Variants in ZNF385D observed in about 807,000 individuals in gnomAD.
ZNF385D encodes zinc finger protein 385D, also known as zinc finger protein 659.
Under a neutral mutation model 35.8 loss-of-function variants are expected in ZNF385D, and 15 were observed. The ratio of observed to expected loss-of-function variants is 0.42; its 90% CI spans 0.28 to 0.64. ZNF385D has a LOEUF of 0.64. Among genes scored for constraint, ZNF385D ranks in the 30% least tolerant of loss-of-function variants. ZNF385D has a pLI of 0.23. For synonymous variants in ZNF385D, 212 were observed against 186.8 expected (o/e 1.13, Z -1.10); for missense variants, 474 against 494.6 (o/e 0.96, Z 0.39).
rs562791810 is a variant in ZNF385D, at chr3:21,594,369, C to T, written c.166-29685G>A. ...GCTGACTCTGAGACAAAGATTGCAC[C>T]GTGCAAGTAGTTTTTTAATGAAATG... On this transcript the variant is annotated intron_variant, in intron 2 of 7. Transcript: ENST00000281523. 6.6e-5 allele frequency among the ~76,000 whole-genome samples: 10 copies of T among 152,156 alleles called. No homozygotes were observed. In the East Asian group the frequency reaches 1.5e-3, roughly 24 times the overall value.
At chr3:21,932,579 T>A (rs544913662) in intron 3 of ZNF385D, among the ~76,000 whole-genome samples, 1 of 152,090 alleles carries the variant, frequency 6.6e-6, no homozygotes, top group Admixed American at 6.6e-5. Context: ...GCTGATTACG[T>A]GGGGAGACAA....
At chr3:22,025,157 G>A (rs1439989359) in intron 3 of ZNF385D, among the ~76,000 whole-genome samples, 2 of 152,092 alleles carry the variant, frequency 1.3e-5, no homozygotes, top group Non-Finnish European at 2.9e-5. Flanking sequence ...AGAAGGAACA[G>A]CTTCCCCATC....
chr3:21,700,435 A>C (rs1236098567), intron 1 of ZNF385D, among the ~76,000 whole-genome samples: 5 of 152,244 alleles, frequency 3.3e-5, no homozygotes, highest in Non-Finnish European at 7.3e-5. Context: ...GCCTGGACTT[A>C]TATAGATAAG....
intron 3 of ZNF385D, among the ~76,000 whole-genome samples, chr3:21,916,256 G>C (rs1399619136): frequency 6.6e-5 from 10 of 152,018 alleles, no homozygotes; most frequent in East Asian, 1.9e-4. Context: ...AGCTTTTCTA[G>C]ATAGATTTTG....
chr3:22,243,240 C>CAT (rs1699591849), intron 2 of ZNF385D, among the ~76,000 whole-genome samples: 1 of 150,788 alleles, frequency 6.6e-6, no homozygotes, highest in African/African-American at 2.5e-5. Context: ...TTCTCCAAGA[C>CAT]ATATATAAAC....
At chr3:22,324,875 G>A (rs558210309) in intron 2 of ZNF385D, among the ~76,000 whole-genome samples, 13 of 152,096 alleles carry the variant, frequency 8.5e-5, no homozygotes, top group Non-Finnish European at 1.6e-4. Context: ...GATTAAAAGA[G>A]AGATCCTACT....
chr3:22,205,555 A>G (rs998015614), intron 2 of ZNF385D, among the ~76,000 whole-genome samples: 1 of 152,046 alleles, frequency 6.6e-6, no homozygotes, highest in Non-Finnish European at 1.5e-5. Context: ...GATCAGAAAT[A>G]GTACAATAAG....
chr3:22,168,327 A>C (rs1006821308), intron 3 of ZNF385D, among the ~76,000 whole-genome samples: 6 of 152,222 alleles, frequency 3.9e-5, no homozygotes, highest in African/African-American at 1.2e-4. Flanking sequence ...TTATTAAATA[A>C]ACCATAAATT....
chr3:21,778,804 A>T (rs537842479), intron 3 of ZNF385D, among the ~76,000 whole-genome samples: 2 of 152,110 alleles, frequency 1.3e-5, no homozygotes, highest in African/African-American at 4.8e-5. Context: ...AGTGTTTGAT[A>T]AACAGCCACA....
intron 2 of ZNF385D, among the ~76,000 whole-genome samples, chr3:22,304,613 T>A: frequency 6.6e-6 from 1 of 152,160 alleles, no homozygotes; most frequent in Admixed American, 6.5e-5. Context: ...CAGCACCAAT[T>A]TTGATAATTT....
chr3:21,991,117 C>G (rs571267039), intron 3 of ZNF385D, among the ~76,000 whole-genome samples: 9 of 152,260 alleles, frequency 5.9e-5, no homozygotes, highest in Non-Finnish European at 1.2e-4. Context: ...TTTGCAAAAA[C>G]TAATTACGGT....
chr3:21,952,119 T>C (rs1452312383), intron 3 of ZNF385D, among the ~76,000 whole-genome samples: 1 of 151,998 alleles, frequency 6.6e-6, no homozygotes, highest in Non-Finnish European at 1.5e-5. Context: ...AATGTTGCCT[T>C]CAATTGTTAT....
intron 3 of ZNF385D, among the ~76,000 whole-genome samples, chr3:21,856,436 C>A (rs370565557): frequency 6.6e-6 from 1 of 151,976 alleles, no homozygotes; most frequent in Admixed American, 6.6e-5. Flanking sequence ...GCCTCTAGGG[C>A]GTCTCCATTT....
rs759032003 is a variant in ZNF385D at position 21,571,287 on chromosome 3, C to T, written c.166-6603G>A. Among the ~76,000 whole-genome samples the T allele has an allele frequency of 7.2e-5, 11 of 152,038 alleles. No individual in the cohort carries two copies. The East Asian group carries it at 9.6e-4, about 13-fold the overall frequency. ...TTCATTCAACATTGTGTTTGTATTT[C>T]GATCATTTTTGTTGCTATATAGTAT... On this transcript the variant is annotated intron_variant, in intron 2 of 7. Transcript: ENST00000281523.
chr3:22,205,306 C>G (rs1157926265), intron 2 of ZNF385D, among the ~76,000 whole-genome samples: 5 of 151,744 alleles, frequency 3.3e-5, no homozygotes, highest in Admixed American at 1.3e-4. Context: ...TAAAGATTTT[C>G]CCAGATAAGC....
At chr3:21,934,841 A>T (rs991942679) in intron 3 of ZNF385D, among the ~76,000 whole-genome samples, 3 of 152,214 alleles carry the variant, frequency 2.0e-5, no homozygotes, top group Non-Finnish European at 4.4e-5. Context: ...GTTAACTACA[A>T]TTAATTTGGT....
intron 1 of ZNF385D, among the ~76,000 whole-genome samples, chr3:21,740,650 G>A (rs775746802): frequency 3.0e-4 from 46 of 152,136 alleles, no homozygotes; most frequent in Non-Finnish European, 3.5e-4. Flanking sequence ...ACTGATTTCC[G>A]TGAGAGGAGA....
intron 3 of ZNF385D, among the ~76,000 whole-genome samples, chr3:22,068,685 T>G (rs554041904): frequency 6.6e-6 from 1 of 152,248 alleles, no homozygotes; most frequent in Non-Finnish European, 1.5e-5. Flanking sequence ...GTGAAAGGCC[T>G]AATTCTCATA....
intron 3 of ZNF385D, among the ~76,000 whole-genome samples, chr3:22,014,893 A>G (rs997218594): frequency 3.3e-5 from 5 of 152,190 alleles, no homozygotes; most frequent in Admixed American, 2.0e-4. Flanking sequence ...AGTAAAGATC[A>G]TTTACAAATT....
Sources: gnomAD v4.1 joint callset for allele counts (sites outside exome capture counted in the v4.1 genomes callset) on GRCh38, gnomAD v4.1.1 for gene constraint, MANE v1.5 for transcripts, NCBI Gene and HGNC (gene_info 2026-07-23, HGNC 2026-07-21) for gene names.